GSDME: variants seen among roughly 807,000 people sequenced by gnomAD.
GSDME encodes the protein gasdermin E.
Under a neutral mutation model 47.5 loss-of-function variants are expected in GSDME, and 44 were observed. That is an observed-to-expected ratio of 0.93 (90% CI 0.73 to 1.19). The LOEUF (loss-of-function observed/expected upper bound fraction) is 1.19. Ranked by LOEUF, GSDME falls within the 50% of genes most tolerant of loss-of-function variation. The probability of loss-of-function intolerance (pLI) is 0.00; values close to 1 mark genes in which losing one functional copy is unlikely to be tolerated. For missense variants in GSDME, 663 were observed against 604.2 expected, an observed-to-expected ratio of 1.10 and a Z score of -1.02; for synonymous variants, 258 against 252.8, an observed-to-expected ratio of 1.02 and a Z score of -0.20.
chr7:24,775,812 T>C, the GSDME span, among the ~76,000 whole-genome samples: 2 of 137,536 alleles, frequency 1.5e-5, no homozygotes, highest in Non-Finnish European at 3.0e-5. Flanking sequence ...GAGGTGGAAG[T>C]TGCAGTGAGC....
At chr7:24,752,992 GT>G (rs199851230) in intron 1 of GSDME, among the ~76,000 whole-genome samples, 2,821 of 147,780 alleles carry the variant, frequency 0.019, 29 homozygotes, top group African/African-American at 0.032. Flanking sequence ...AATTTTTCAT[GT>G]TTTTTTTTTT....
chr7:24,794,639 T>C, the GSDME span, among the ~76,000 whole-genome samples: 1 of 152,160 alleles, frequency 6.6e-6, no homozygotes, highest in Non-Finnish European at 1.5e-5. Flanking sequence ...CCCGCCAATC[T>C]ATCTCACACA....
chr7:24,763,503 A>G, the GSDME span, among the ~76,000 whole-genome samples: 1 of 152,004 alleles, frequency 6.6e-6, no homozygotes, highest in Non-Finnish European at 1.5e-5. This position sits in a 1 kb window ranked among gnomAD's most constrained non-coding sequence, Gnocchi z 4.3. Context: ...CAGCATGGAT[A>G]TGCTGGACAA....
intron 3 of GSDME, among the ~76,000 whole-genome samples, chr7:24,729,831 G>T (rs1400013196): frequency 6.6e-6 from 1 of 152,178 alleles, no homozygotes; most frequent in Non-Finnish European, 1.5e-5. Flanking sequence ...AGCACAGAAG[G>T]CATGGCTGGG....
At chr7:24,719,019 G>A in intron 4 of GSDME, 28 bp downstream of exon 4, 1 of 1,610,726 alleles carries the variant, frequency 6.2e-7, no homozygotes, top group Non-Finnish European at 8.5e-7. Flanking sequence ...GCTCAGCCAT[G>A]AACGCAGGGC....
In GSDME at chr7:24,725,277, T is replaced by C. The variant is rs1016408673; in HGVS notation, c.405-6059A>G. 2.2e-4 allele frequency among the ~76,000 whole-genome samples: 34 copies of C among 152,150 alleles called. 1 individual carries two copies. The highest frequency in any genetic ancestry group is 1.5e-5 in the Non-Finnish European group (1 of 68,034). Reference sequence around the variant, plus strand: ...AGATCTTGCATTAAATGACCCACACTCTACCCAGCAGATGGCAGGGGCTCT... The same window carrying C: ...AGATCTTGCATTAAATGACCCACACCCTACCCAGCAGATGGCAGGGGCTCT... On this transcript the variant is annotated intron_variant, in intron 3 of 9. Transcript: ENST00000645220. The surrounding 1 kb of genome is among the most constrained non-coding windows in gnomAD (Gnocchi z 5.1).
At chr7:24,740,279 T>G (rs1790445330) in intron 3 of GSDME, among the ~76,000 whole-genome samples, 1 of 151,908 alleles carries the variant, frequency 6.6e-6, no homozygotes, top group Non-Finnish European at 1.5e-5. Flanking sequence ...TACCAGAGGC[T>G]GGGAAGGGTA....
the GSDME span, among the ~76,000 whole-genome samples, chr7:24,781,511 G>C: frequency 7.0e-4 from 107 of 152,198 alleles, no homozygotes; most frequent in Middle Eastern, 0.01. Context: ...ATTATGTACA[G>C]CTGAGGACTA....
intron 3 of GSDME, among the ~76,000 whole-genome samples, chr7:24,729,957 G>C (rs890346202): frequency 6.6e-6 from 1 of 152,192 alleles, no homozygotes. Context: ...ACTGTCATGA[G>C]ACTGGGGGAA....
In GSDME at chr7:24,702,765, G is replaced by T; in HGVS notation, c.1252C>A (p.His418Asn). 1.2e-6 allele frequency: 2 copies of T among 1,613,270 alleles called. No individual in the cohort carries two copies. The highest frequency in any genetic ancestry group is 2.2e-5 in the South Asian group (2 of 91,028). ...CCACCTGGGAGGTTGCTTACCAAGT[G>T]GCACAGTGTGGGAATGATCTGGAGT... ...CKLQIIPTLC[H>N]LLRALSDDGV... is the part of the protein sequence containing the mutation. Residue 418 changes from histidine (H) to asparagine (N), a missense_variant, in exon 9 of 10, where the codon CAC (histidine) becomes AAC (asparagine). Transcript: ENST00000645220.
In GSDME at chr7:24,706,000, A is replaced by G; in HGVS notation, c.1183+184T>C. On this transcript the variant is annotated intron_variant, in intron 8 of 9. Coordinates refer to ENST00000645220, the MANE Select transcript of GSDME (RefSeq NM_001127453.2). This position sits in a 1 kb window ranked among gnomAD's most constrained non-coding sequence, Gnocchi z 4.1. Reference sequence around the variant, plus strand: ...GCTTGTGCTGGATGGAAAGGCACAGACTCGAGACCGAAGGGGGGTTTCCCA... The same window carrying G: ...GCTTGTGCTGGATGGAAAGGCACAGGCTCGAGACCGAAGGGGGGTTTCCCA... The G allele has an allele frequency of 1.4e-6, 1 of 727,808 alleles. No individual in the cohort carries two copies. The highest frequency in any genetic ancestry group is 1.7e-5 in the African/African-American group (1 of 57,656). The allele number at this position is 727,808 out of a possible 1,614,324, so 45.1% of individuals were successfully genotyped here.
At chr7:24,782,412 C>A in the GSDME span, among the ~76,000 whole-genome samples, 2 of 152,166 alleles carry the variant, frequency 1.3e-5, no homozygotes, top group Non-Finnish European at 2.9e-5. Context: ...TTATTTATGG[C>A]TGCATAGTAT....
chr7:24,775,992 C>A, the GSDME span, among the ~76,000 whole-genome samples: 1 of 150,616 alleles, frequency 6.6e-6, no homozygotes, highest in African/African-American at 2.4e-5. Flanking sequence ...CTAGCCTGAC[C>A]AACATGGTGA....
At chr7:24,707,513 T>C (rs952277674) in intron 7 of GSDME, 1 of 453,376 alleles carries the variant, frequency 2.2e-6, no homozygotes, top group Admixed American at 2.4e-5. Context: ...CACGACCCCC[T>C]TGCAGTAGTC....
rs549450350 is a variant in GSDME at position 24,721,702 on chromosome 7, A to T, written c.405-2484T>A. ...AACAAAGCCACAGTGTGTGCCCTGC[A>T]TGGGAATTATGGGGCACTGAATTGA... On this transcript the variant is annotated intron_variant, in intron 3 of 9. Coordinates refer to ENST00000645220, the MANE Select transcript of GSDME (RefSeq NM_001127453.2). The surrounding 1 kb of genome is among the most constrained non-coding windows in gnomAD (Gnocchi z 4.1). Among the ~76,000 whole-genome samples, 2 of 152,330 alleles carry T rather than the reference A, an allele frequency of 1.3e-5. No individual in the cohort carries two copies. The highest frequency in any genetic ancestry group is 3.9e-4 in the East Asian group (2 of 5,190).
At chr7:24,717,460 T>C in intron 4 of GSDME, 86 bp from the exon 5 acceptor site, 2 of 1,593,150 alleles carry the variant, frequency 1.3e-6, no homozygotes, top group South Asian at 1.1e-5. Context: ...TCGTGCCTTA[T>C]ACATAAGAGA....
chr7:24,760,521 T>C (rs1791151244), upstream of GSDME, among the ~76,000 whole-genome samples: 2 of 152,238 alleles, frequency 1.3e-5, no homozygotes, highest in African/African-American at 4.8e-5. This position sits in a 1 kb window ranked among gnomAD's most constrained non-coding sequence, Gnocchi z 4.2. Context: ...CATGAGATTA[T>C]ATAAAGTACT....
the GSDME span, among the ~76,000 whole-genome samples, chr7:24,794,139 ATCTC>A: frequency 1.0e-4 from 15 of 150,616 alleles, no homozygotes; most frequent in East Asian, 9.6e-4. Flanking sequence ...CTACTTGTAT[ATCTC>A]TCTCTTTCTC....
chr7:24,718,621 G>A (rs530643372), intron 4 of GSDME, among the ~76,000 whole-genome samples: 19 of 152,174 alleles, frequency 1.2e-4, no homozygotes, highest in Non-Finnish European at 2.4e-4. Flanking sequence ...AGCACCTGAC[G>A]CCAGCCCACC....
Sources: allele counts gnomAD v4.1 joint callset (sites outside exome capture counted in the v4.1 genomes callset), GRCh38; gene constraint gnomAD v4.1.1; non-coding constraint Gnocchi (gnomAD v3.1); transcripts MANE v1.5; gene names NCBI Gene and HGNC (gene_info 2026-07-23, HGNC 2026-07-21).